The following A4GALT variants were observed in gnomAD, a reference collection of about 807,000 sequenced individuals.
The protein encoded by A4GALT is alpha 1,4-galactosyltransferase (P1PK blood group), also known as lactosylceramide 4-alpha-galactosyltransferase.
For missense variants in A4GALT, 512 were observed against 486.0 expected, an observed-to-expected ratio of 1.05 and a Z score of -0.50; for synonymous variants, 257 against 220.7, an observed-to-expected ratio of 1.16 and a Z score of -1.46.
At position 42,705,940 on chromosome 22, in the gene A4GALT, G is replaced by A. The variant is rs1457286958; in HGVS notation, c.-187-10309C>T. The stretch of plus-strand genomic sequence containing the variant: ...GTGGTAATGTGTGCCTGTCATCCCA[G>A]CTACTCGGGAGGCTGAGGCAGGAGA... On this transcript the variant is annotated intron_variant, in intron 1 of 2. Coordinates refer to ENST00000642412, the MANE Select transcript of A4GALT (RefSeq NM_017436.7). Among the ~76,000 whole-genome samples, 5 of 120,616 alleles carry A rather than the reference G, an allele frequency of 4.1e-5. 2 individuals carry two copies. Among genetic ancestry groups the A allele is most frequent in the Non-Finnish European group, 9.6e-5 (5 of 52,042 alleles). The allele number at this position is 120,616 out of a possible 152,430, so 79.1% of individuals were successfully genotyped here.
chr22:42,692,535 C>T lies in A4GALT; in HGVS notation c.*355G>A. ...AATCTTGTCCCTTCTTCCCCATCCC[C>T]TTAGCACCGGCCTCTGCCCTCGTGG... On this transcript the variant is annotated 3_prime_UTR_variant, in exon 3 of 3. Coordinates refer to ENST00000642412, the MANE Select transcript of A4GALT (RefSeq NM_017436.7). This position sits in a 1 kb window ranked among gnomAD's most constrained non-coding sequence, Gnocchi z 4.6. 4.6e-6 allele frequency: 2 copies of T among 432,104 alleles called. No homozygotes were observed. The highest frequency in any genetic ancestry group is 1.8e-5 in the South Asian group (1 of 54,516). 26.8% of individuals were successfully genotyped at this position (432,104 alleles called of 1,614,324 possible). A position where few individuals can be genotyped will look rare whatever the true frequency, so the allele number is the denominator to read the frequency against.
chr22:42,720,199 C>CCGTGCCCAGCT (rs1261207953), intron 1 of A4GALT, among the ~76,000 whole-genome samples: 7 of 136,860 alleles, frequency 5.1e-5, no homozygotes, highest in African/African-American at 1.9e-4. Context: ...CCGGCTCGCC[C>CCGTGCCCAGCT]CGTGCCCAGC....
At position 42,716,866 on chromosome 22, in the gene A4GALT, C is replaced by A. The variant is rs180727996; in HGVS notation, c.-188+3931G>T. On this transcript the variant is annotated intron_variant, in intron 1 of 2. Coordinates refer to ENST00000642412, the MANE Select transcript of A4GALT (RefSeq NM_017436.7). Reference sequence around the variant, plus strand: ...CAGATGATCAGGGCTCTCTGGGTCCCGTAACTATATCTGGGACAATGACTT... The same window carrying A: ...CAGATGATCAGGGCTCTCTGGGTCCAGTAACTATATCTGGGACAATGACTT... Among the ~76,000 whole-genome samples the A allele has an allele frequency of 2.6e-5, 4 of 152,240 alleles. No individual in the cohort carries two copies. In the East Asian group the frequency reaches 5.8e-4, roughly 22 times the overall value.
chr22:42,715,928 GTTCAAGCGA>G (rs1186746987), intron 1 of A4GALT, among the ~76,000 whole-genome samples: 1 of 151,490 alleles, frequency 6.6e-6, no homozygotes, highest in Admixed American at 6.6e-5. Context: ...CGCCTCCTGC[GTTCAAGCGA>G]TTCTTCTGCC....
chr22:42,701,399 G>A (rs1453003500), intron 1 of A4GALT, among the ~76,000 whole-genome samples: 1 of 152,172 alleles, frequency 6.6e-6, no homozygotes, highest in Non-Finnish European at 1.5e-5. Flanking sequence ...TGGCCAGGGT[G>A]AGGTAGAAAG....
intron 1 of A4GALT, among the ~76,000 whole-genome samples, chr22:42,713,228 C>T (rs1019311127): frequency 2.0e-5 from 3 of 152,194 alleles, no homozygotes; most frequent in African/African-American, 7.2e-5. Flanking sequence ...CGGCTCCATG[C>T]CACCCGCCCC....
At position 42,693,904 on chromosome 22, in the gene A4GALT, T is replaced by G. The variant is rs1303802484; in HGVS notation, c.48A>C (p.Pro16=). ...TGAACAGGGTGCAGACCCGCTGCCT[T>G]GGGGCGCCCCGGAGCAGCCGCAGCA... The part of the protein sequence containing the change: ...DLLLRLLRGA[P]RQRVCTLFII... The change falls in exon 3 of 3, where the codon CCA becomes CCC. Residue 16 remains proline, a synonymous_variant. Coordinates refer to ENST00000642412, the MANE Select transcript of A4GALT (RefSeq NM_017436.7). The G allele has an allele frequency of 2.5e-6, 4 of 1,607,818 alleles. No individual in the cohort carries two copies. Among genetic ancestry groups the G allele is most frequent in the Non-Finnish European group, 3.4e-6 (4 of 1,177,974 alleles).
At chr22:42,698,400 G>A (rs779541610) in intron 1 of A4GALT, among the ~76,000 whole-genome samples, 11 of 152,184 alleles carry the variant, frequency 7.2e-5, no homozygotes, top group Non-Finnish European at 1.6e-4. Context: ...GCCTAGAAAA[G>A]GCCCTCCAAG....
At chr22:42,709,097 C>T (rs1921446482) in intron 1 of A4GALT, among the ~76,000 whole-genome samples, 1 of 142,552 alleles carries the variant, frequency 7.0e-6, no homozygotes, top group East Asian at 2.0e-4. Context: ...TGCTGTCACC[C>T]AGGCTGGAAT....
Position 42,706,187 on chromosome 22 carries a change from C to A in A4GALT, c.-187-10556G>T, listed in dbSNP as rs13056480. On this transcript the variant is annotated intron_variant, in intron 1 of 2. Transcript: ENST00000642412. Reference sequence around the variant, plus strand: ...TGGCTAACACGGTGAAACCCCGTCTCTACTAAAAATACAAAAAATTAGCCA... The same window carrying A: ...TGGCTAACACGGTGAAACCCCGTCTATACTAAAAATACAAAAAATTAGCCA... Among the ~76,000 whole-genome samples, 3 of 137,262 alleles carry A rather than the reference C, an allele frequency of 2.2e-5. 1 individual carries two copies. The highest frequency in any genetic ancestry group is 4.8e-5 in the Non-Finnish European group (3 of 62,172). 90.0% of individuals were successfully genotyped at this position (137,262 alleles called of 152,430 possible).
At chr22:42,709,343 CCAAAA>C (rs1256477786) in intron 1 of A4GALT, among the ~76,000 whole-genome samples, 12 of 102,444 alleles carry the variant, frequency 1.2e-4, no homozygotes, top group East Asian at 5.2e-4. Context: ...CTGTGCCAGG[CCAAAA>C]AAAAAAAAAA....
Position 42,715,479 on chromosome 22 carries a change from T to C in A4GALT, c.-188+5318A>G, listed in dbSNP as rs188947779. ...GCTCATGCCTGTAATCCCAGCACTT[T>C]GGGAGGTGGAGGTGTGAGGATCACT... On this transcript the variant is annotated intron_variant, in intron 1 of 2. Coordinates refer to ENST00000642412, the MANE Select transcript of A4GALT (RefSeq NM_017436.7). Among the ~76,000 whole-genome samples the C allele has an allele frequency of 2.5e-4, 38 of 152,148 alleles. No homozygotes were observed. In the East Asian group the frequency reaches 6.8e-3, roughly 27 times the overall value.
intron 1 of A4GALT, among the ~76,000 whole-genome samples, chr22:42,706,354 C>CAA (rs1164664187): frequency 0.078 from 6,464 of 83,252 alleles, 1,214 homozygotes; most frequent in African/African-American, 0.25. Flanking sequence ...GACTCCATCC[C>CAA]AAAAAAAAAA....
intron 1 of A4GALT, among the ~76,000 whole-genome samples, chr22:42,715,378 A>T (rs1189003486): frequency 6.6e-6 from 1 of 152,116 alleles, no homozygotes; most frequent in Admixed American, 6.6e-5. Context: ...CATGTCCTTA[A>T]TTACTTCTAT....
intron 1 of A4GALT, among the ~76,000 whole-genome samples, chr22:42,699,834 AG>A (rs768695667): frequency 3.9e-5 from 6 of 152,110 alleles, no homozygotes; most frequent in Non-Finnish European, 8.8e-5. Context: ...TTTCCAGATG[AG>A]ATTACCATTC....
At chr22:42,709,022 C>G (rs1278980724) in intron 1 of A4GALT, among the ~76,000 whole-genome samples, 1 of 145,616 alleles carries the variant, frequency 6.9e-6, no homozygotes, top group Non-Finnish European at 1.5e-5. Flanking sequence ...AACTGTTAAA[C>G]AGGAACATAT....
At chr22:42,716,909 G>T (rs978286414) in intron 1 of A4GALT, among the ~76,000 whole-genome samples, 1 of 152,242 alleles carries the variant, frequency 6.6e-6, no homozygotes, top group African/African-American at 2.4e-5. Flanking sequence ...GGTGAAGACA[G>T]ACACTCTTCC....
Position 42,706,126 on chromosome 22 carries a change from C to T in A4GALT, c.-187-10495G>A, listed in dbSNP as rs779714631. 6.8e-4 allele frequency among the ~76,000 whole-genome samples: 68 copies of T among 100,726 alleles called. 19 individuals are homozygous for T. Among genetic ancestry groups the T allele is most frequent in the East Asian group, 1.5e-3 (6 of 4,000 alleles). 66.1% of individuals were successfully genotyped at this position (100,726 alleles called of 152,430 possible). On this transcript the variant is annotated intron_variant, in intron 1 of 2. Transcript: ENST00000642412. ...ATCTCAGCACTTTGGGAGGCCAAGGCGGGCGGATCACGAGGTCAGGAGATC... is the reference window on the plus strand; with the variant it reads ...ATCTCAGCACTTTGGGAGGCCAAGGTGGGCGGATCACGAGGTCAGGAGATC...
chr22:42,693,698 G>A lies in A4GALT; in HGVS notation c.254C>T (p.Ser85Leu), dbSNP rs746341100. The change falls in exon 3 of 3, where the codon TCA (serine) becomes TTA (leucine). Residue 85 changes from serine (S) to leucine (L), a missense_variant. Physicochemically the swap from Ser to Leu is moderately radical, Grantham distance 145. Coordinates refer to ENST00000642412, the MANE Select transcript of A4GALT (RefSeq NM_017436.7). ...TPGNIFFLET[S>L]DRTNPNFLFM... ...CAGGAAGTTGGGGTTGGTCCGGTCT[G>A]AAGTCTCCAGGAAGAAGATGTTGCC... The A allele has an allele frequency of 3.7e-6, 5 of 1,356,040 alleles. No individual in the cohort carries two copies. The African/African-American group carries it at 7.8e-5, about 21-fold the overall frequency. The allele number at this position is 1,356,040 out of a possible 1,614,324, so 84.0% of individuals were successfully genotyped here.
Sources: gnomAD v4.1 joint callset for allele counts (sites outside exome capture counted in the v4.1 genomes callset) on GRCh38, gnomAD v4.1.1 for gene constraint, Gnocchi (gnomAD v3.1) non-coding constraint, MANE v1.5 for transcripts, NCBI Gene and HGNC (gene_info 2026-07-23, HGNC 2026-07-21) for gene names.